Variants in PTPRD observed in about 807,000 individuals in gnomAD.
The protein encoded by PTPRD is receptor-type tyrosine-protein phosphatase delta.
Under a neutral mutation model 214.5 loss-of-function variants are expected in PTPRD, and 34 were observed. The observed-to-expected ratio is 0.16, with a 90% CI of 0.12 to 0.21. The LOEUF (loss-of-function observed/expected upper bound fraction) is 0.21, where lower values mean the gene tolerates loss of function less well. PTPRD is among the 10% of genes least tolerant of loss of function. The pLI is 1.00. For missense variants in PTPRD, 2,545 were observed against 2,398.7 expected, an observed-to-expected ratio of 1.06 and a Z score of -1.27; for synonymous variants, 1,128 against 845.7, an observed-to-expected ratio of 1.33 and a Z score of -5.79.
intron 3 of PTPRD, among the ~76,000 whole-genome samples, chr9:10,179,152 T>C (rs191383763): frequency 7.7e-4 from 117 of 152,078 alleles, no homozygotes; most frequent in African/African-American, 2.6e-3. Context: ...GAGTTAGACA[T>C]CATTCATATC....
At chr9:9,848,722 T>A (rs1051359410) in intron 5 of PTPRD, among the ~76,000 whole-genome samples, 12 of 152,092 alleles carry the variant, frequency 7.9e-5, no homozygotes, top group Admixed American at 3.3e-4. Context: ...TCCTTACATC[T>A]TCATCATTTT....
At chr9:8,547,731 T>C (rs1486009639) in intron 14 of PTPRD, among the ~76,000 whole-genome samples, 2 of 151,564 alleles carry the variant, frequency 1.3e-5, no homozygotes, top group Non-Finnish European at 2.9e-5. Context: ...CAGCCCATGA[T>C]AAAAATGATA....
At chr9:10,441,168 A>G (rs183166362) in intron 2 of PTPRD, among the ~76,000 whole-genome samples, 1 of 151,862 alleles carries the variant, frequency 6.6e-6, no homozygotes, top group African/African-American at 2.4e-5. Flanking sequence ...CAAAGCTACC[A>G]GACTGATGCA....
Position 9,014,545 on chromosome 9 carries a change from G to C in PTPRD, c.-104+4152C>G, listed in dbSNP as rs114931978. Among the ~76,000 whole-genome samples the C allele has an allele frequency of 3.0e-3, 463 of 152,224 alleles. 3 individuals carry two copies. The highest frequency in any genetic ancestry group is 9.9e-3 in the African/African-American group (411 of 41,550). On this transcript the variant is annotated intron_variant, in intron 11 of 45. Coordinates refer to ENST00000381196, the MANE Select transcript of PTPRD (RefSeq NM_002839.4). ...CAGAAGAAAGCATTGTGTTTGTCTA[G>C]AGATTCCTTGCCAGGAATAATCCGA...
At chr9:9,906,351 C>G (rs2077563753) in intron 5 of PTPRD, among the ~76,000 whole-genome samples, 1 of 151,922 alleles carries the variant, frequency 6.6e-6, no homozygotes, top group Non-Finnish European at 1.5e-5. Flanking sequence ...TCCAACTTCA[C>G]TCTATACTCA....
chr9:8,445,990 T>C (rs183231530), intron 34 of PTPRD, among the ~76,000 whole-genome samples: 137 of 152,302 alleles, frequency 9.0e-4, no homozygotes, highest in Middle Eastern at 3.4e-3. Context: ...GCTACTTCTT[T>C]GGAAGGCTCT....
chr9:9,380,268 TTTTCA>T (rs753866900), intron 9 of PTPRD, among the ~76,000 whole-genome samples: 1 of 152,110 alleles, frequency 6.6e-6, no homozygotes, highest in African/African-American at 2.4e-5. Context: ...ATAAGTTGTG[TTTTCA>T]TTTCATTTAT....
chr9:10,174,349 C>G (rs1310209438), intron 3 of PTPRD, among the ~76,000 whole-genome samples: 2 of 152,108 alleles, frequency 1.3e-5, no homozygotes, highest in East Asian at 1.9e-4. Context: ...TCATCCATTT[C>G]TCTCTTGCTT....
chr9:9,252,718 C>T (rs2099976006), intron 9 of PTPRD, among the ~76,000 whole-genome samples: 1 of 151,956 alleles, frequency 6.6e-6, no homozygotes, highest in Non-Finnish European at 1.5e-5. Context: ...TGGCTTCAAG[C>T]GATGCAGTCA....
chr9:10,156,999 C>T (rs553347430), intron 3 of PTPRD, among the ~76,000 whole-genome samples: 91 of 152,156 alleles, frequency 6.0e-4, no homozygotes, highest in Non-Finnish European at 1.1e-3. Flanking sequence ...TTTCTCTATC[C>T]TTTTATTTTG....
chr9:8,628,532 G>C (rs887801452), intron 14 of PTPRD, among the ~76,000 whole-genome samples: 4 of 150,946 alleles, frequency 2.6e-5, no homozygotes, highest in Non-Finnish European at 5.9e-5. Context: ...AAATAGGCAT[G>C]TCAATGAATC....
chr9:8,443,100 G>C (rs886831859), intron 34 of PTPRD, among the ~76,000 whole-genome samples: 7 of 152,176 alleles, frequency 4.6e-5, no homozygotes, highest in African/African-American at 1.7e-4. Context: ...AGCTATGATT[G>C]TGCCACTGCA....
intron 11 of PTPRD, among the ~76,000 whole-genome samples, chr9:8,830,683 G>A (rs886409037): frequency 5.9e-5 from 9 of 152,184 alleles, no homozygotes; most frequent in Admixed American, 3.3e-4. Context: ...CAAAGGGGAA[G>A]CAGACACTAC....
intron 4 of PTPRD, among the ~76,000 whole-genome samples, chr9:10,030,986 G>A (rs1292363260): frequency 6.6e-6 from 1 of 152,124 alleles, no homozygotes; most frequent in East Asian, 1.9e-4. Flanking sequence ...TGAAGTGAAT[G>A]ACTACTCAGA....
chr9:9,860,692 T>A (rs556302939), intron 5 of PTPRD, among the ~76,000 whole-genome samples: 2 of 152,344 alleles, frequency 1.3e-5, no homozygotes, highest in African/African-American at 4.8e-5. Flanking sequence ...TCACTTAGAC[T>A]ATCCCATTTT....
intron 5 of PTPRD, among the ~76,000 whole-genome samples, chr9:9,879,264 T>A: frequency 6.6e-6 from 1 of 152,184 alleles, no homozygotes; most frequent in Non-Finnish European, 1.5e-5. Flanking sequence ...TAATTCTGTG[T>A]CATGAGGGGC....
chr9:9,655,430 G>A (rs952225754), intron 7 of PTPRD, among the ~76,000 whole-genome samples: 3 of 151,948 alleles, frequency 2.0e-5, no homozygotes, highest in Admixed American at 6.6e-5. Context: ...TTAGCTGGGC[G>A]TGGTGGCATG....
chr9:8,873,073 A>T lies in PTPRD; in HGVS notation c.-103-139127T>A, dbSNP rs145452155. 3.8e-3 allele frequency among the ~76,000 whole-genome samples: 579 copies of T among 152,326 alleles called. 12 individuals are homozygous for T. Among genetic ancestry groups the T allele is most frequent in the Admixed American group, 0.028 (424 of 15,298 alleles). On this transcript the variant is annotated intron_variant, in intron 11 of 45. Coordinates refer to ENST00000381196, the MANE Select transcript of PTPRD (RefSeq NM_002839.4). ...CACTGTGTACAGTGTTACTGCAGCG[A>T]TATGCCCTGAGACTTCTAATCTGTC... is the stretch of plus-strand genomic sequence containing the variant.
At chr9:9,046,633 CTT>C (rs1235145326) in intron 10 of PTPRD, among the ~76,000 whole-genome samples, 1 of 152,058 alleles carries the variant, frequency 6.6e-6, no homozygotes, top group Non-Finnish European at 1.5e-5. Flanking sequence ...GGTCATATAA[CTT>C]TTTTATTAAA....
Sources: gnomAD v4.1 joint callset for allele counts (sites outside exome capture counted in the v4.1 genomes callset) on GRCh38, gnomAD v4.1.1 for gene constraint, MANE v1.5 for transcripts, NCBI Gene and HGNC (gene_info 2026-07-23, HGNC 2026-07-21) for gene names.